APPL2: variants seen among roughly 807,000 people sequenced by gnomAD.
The protein encoded by APPL2 is adaptor protein, phosphotyrosine interacting with PH domain and leucine zipper 2, also known as DCC-interacting protein 13-beta.
In APPL2, 84 loss-of-function variants were observed where a neutral mutation model predicts 92.7. The observed-to-expected ratio is 0.91, with a 90% CI of 0.76 to 1.09. APPL2 has a LOEUF of 1.09. Ranked by LOEUF, APPL2 falls within the 50% of genes least tolerant of loss-of-function variation. The pLI, the probability that APPL2 is intolerant of heterozygous loss-of-function variation, is 0.00. For synonymous variants in APPL2, 291 were observed against 291.0 expected, an observed-to-expected ratio of 1.00 and a Z score of 0.00; for missense variants, 736 against 824.5, an observed-to-expected ratio of 0.89 and a Z score of 1.31.
intron 16 of APPL2, 114 bp downstream of exon 16, chr12:105,189,658 T>C (rs1235088695): frequency 3.3e-6 from 4 of 1,220,924 alleles, no homozygotes; most frequent in Non-Finnish European, 4.7e-6. Context: ...GAACAACAAA[T>C]CTTAATTCAT....
chr12:105,234,308 T>A (rs1891105827), intron 1 of APPL2, among the ~76,000 whole-genome samples: 1 of 152,226 alleles, frequency 6.6e-6, no homozygotes, highest in Admixed American at 6.5e-5. Context: ...ATTCTGTAGA[T>A]GTTCTGTAGA....
At chr12:105,228,200 C>T (rs1212967967) in intron 2 of APPL2, among the ~76,000 whole-genome samples, 1 of 152,186 alleles carries the variant, frequency 6.6e-6, no homozygotes, top group Non-Finnish European at 1.5e-5. Context: ...AGGTTAAGTA[C>T]CCTGCATCTG....
chr12:105,196,758 AAGAGACCCCACATCTGCC>A (rs1354388675), intron 11 of APPL2, among the ~76,000 whole-genome samples: 1 of 152,224 alleles, frequency 6.6e-6, no homozygotes, highest in East Asian at 1.9e-4. Context: ...TAACTTTTTA[AAGAGACCCCACATCTGCC>A]AGTTCCCTTG....
chr12:105,199,203 G>A (rs1409449832), intron 10 of APPL2, 170 bp downstream of exon 10: 11 of 738,874 alleles, frequency 1.5e-5, no homozygotes, highest in Non-Finnish European at 2.3e-5. Context: ...TTGGCGCCTG[G>A]GCCCCAGAGG....
chr12:105,184,722 A>G (rs1886431886), intron 17 of APPL2, among the ~76,000 whole-genome samples: 1 of 152,152 alleles, frequency 6.6e-6, no homozygotes, highest in Admixed American at 6.5e-5. Flanking sequence ...CCCGTCAGGA[A>G]CCACCAGAGT....
chr12:105,186,685 T>TATG lies in APPL2; in HGVS notation c.1634+1587_1634+1588insCAT, dbSNP rs1555248113. Among the ~76,000 whole-genome samples, 484 of 63,334 alleles carry TATG rather than the reference T, an allele frequency of 7.6e-3. 5 individuals carry two copies. The highest frequency in any genetic ancestry group is 0.023 in the African/African-American group (411 of 17,752). The allele number at this position is 63,334 out of a possible 152,430, so 41.5% of individuals were successfully genotyped here. A position where few individuals can be genotyped will look rare whatever the true frequency, so the allele number is the denominator to read the frequency against. On this transcript the variant is annotated intron_variant, in intron 17 of 20. Transcript: ENST00000258530. ...TATATCATATATATGATATATCATA[T>TATG]ATATATCATATATCATATCATATAT...
intron 1 of APPL2, among the ~76,000 whole-genome samples, chr12:105,234,993 A>T (rs1891145009): frequency 6.6e-6 from 1 of 152,228 alleles, no homozygotes; most frequent in Admixed American, 6.5e-5. Context: ...CCATACAAGG[A>T]TCATCCTGGG....
intron 19 of APPL2, chr12:105,176,523 GT>G (rs1885560118): frequency 2.4e-6 from 1 of 413,806 alleles, no homozygotes; most frequent in South Asian, 7.4e-5. Context: ...ATCTTCCTTG[GT>G]TTTCTCTCTG....
At chr12:105,207,838 AC>A in intron 7 of APPL2, 132 bp downstream of exon 7, 3 of 745,002 alleles carry the variant, frequency 4.0e-6, no homozygotes, top group Admixed American at 5.5e-5. Context: ...TTTGGAATGA[AC>A]AATTTTAAAA....
chr12:105,235,206 C>T (rs1189077756), intron 1 of APPL2: 1 of 152,168 alleles, frequency 6.6e-6, no homozygotes, highest in Non-Finnish European at 1.5e-5. Flanking sequence ...GAACAAAAGA[C>T]CCCTGGGGAA....
chr12:105,186,715 TC>T (rs1441344989), intron 17 of APPL2, among the ~76,000 whole-genome samples: 5 of 137,992 alleles, frequency 3.6e-5, no homozygotes, highest in African/African-American at 1.4e-4. Context: ...ATATATCATA[TC>T]ATATATATAT....
chr12:105,178,744 GAC>G (rs1885801132), intron 17 of APPL2, among the ~76,000 whole-genome samples: 1 of 152,324 alleles, frequency 6.6e-6, no homozygotes, highest in East Asian at 1.9e-4. Context: ...AGGTGGTTAT[GAC>G]AGTTAATGAG....
chr12:105,174,884 G>T (rs897953393), intron 20 of APPL2, among the ~76,000 whole-genome samples: 4 of 141,238 alleles, frequency 2.8e-5, no homozygotes, highest in Admixed American at 7.0e-5. Flanking sequence ...GGTGGGGGGG[G>T]GGGTGGTGCG....
intron 8 of APPL2, 22 bp from the exon 9 acceptor site, chr12:105,203,807 T>C (rs1207758218): frequency 1.3e-6 from 2 of 1,593,854 alleles, no homozygotes; most frequent in Admixed American, 3.3e-5. Flanking sequence ...AATTATAATA[T>C]TCTGAAAATC....
chr12:105,224,218 C>T (rs903851973), intron 2 of APPL2, among the ~76,000 whole-genome samples: 8 of 152,210 alleles, frequency 5.3e-5, no homozygotes, highest in African/African-American at 1.9e-4. Flanking sequence ...ACATATGCAC[C>T]TCCTCTCAGT....
chr12:105,183,566 A>G (rs1322697012), intron 17 of APPL2, among the ~76,000 whole-genome samples: 1 of 152,146 alleles, frequency 6.6e-6, no homozygotes, highest in Non-Finnish European at 1.5e-5. Flanking sequence ...CTTTTCCTTA[A>G]GAATGTTAAA....
chr12:105,189,775 C>A lies in APPL2; in HGVS notation c.1456G>T (p.Glu486Ter). 6.2e-7 allele frequency: 1 copy of A among 1,614,198 alleles called. No individual in the cohort carries two copies. Among genetic ancestry groups the A allele is most frequent in the Non-Finnish European group, 8.5e-7 (1 of 1,180,028 alleles). ...GGACACCAAACTAGTCACTTACCTTCTGCTTCTGGAAATGATTCATCCTCA... is the reference window on the plus strand; with the variant it reads ...GGACACCAAACTAGTCACTTACCTTATGCTTCTGGAAATGATTCATCCTCA... ...ETEDESFPEA[E>*]DSLLQQMFIV... is the part of the protein sequence containing the mutation. The change falls in exon 16 of 21, where the codon GAA becomes TAA. Residue 486 changes from glutamate to a stop codon, truncating the protein, a stop_gained. Transcript: ENST00000258530. LOFTEE classifies it high-confidence loss of function.
At chr12:105,176,293 T>C in intron 19 of APPL2, 1 of 552,150 alleles carries the variant, frequency 1.8e-6, no homozygotes, top group Non-Finnish European at 3.1e-6. Flanking sequence ...ACACAAAAAA[T>C]ATTCCAGGTA....
intron 17 of APPL2, among the ~76,000 whole-genome samples, chr12:105,180,382 T>G (rs1196860): frequency 6.6e-6 from 1 of 151,942 alleles, no homozygotes. Flanking sequence ...ACTGTAGCCT[T>G]GTAGTATAGT....
Sources: gnomAD v4.1 joint callset for allele counts (sites outside exome capture counted in the v4.1 genomes callset) on GRCh38, gnomAD v4.1.1 for gene constraint, MANE v1.5 for transcripts, NCBI Gene and HGNC (gene_info 2026-07-23, HGNC 2026-07-21) for gene names.